EEIG2: variants seen among roughly 807,000 people sequenced by gnomAD.
The protein encoded by EEIG2 is family with sequence similarity 102 member B.
the EEIG2 span, among the ~76,000 whole-genome samples, chr1:108,571,084 G>A: frequency 1.5e-3 from 234 of 152,312 alleles, no homozygotes; most frequent in Middle Eastern, 6.8e-3. Context: ...TATTACGATA[G>A]CCAGAATGAT....
the EEIG2 span, among the ~76,000 whole-genome samples, chr1:108,603,432 A>T: frequency 4.7e-3 from 577 of 123,790 alleles, 23 homozygotes; most frequent in East Asian, 0.084. Flanking sequence ...GGAAGAGTGT[A>T]ATACACACAG....
the EEIG2 span, among the ~76,000 whole-genome samples, chr1:108,568,953 A>G: frequency 6.6e-6 from 1 of 152,228 alleles, no homozygotes; most frequent in Non-Finnish European, 1.5e-5. Flanking sequence ...GAATTAGAAT[A>G]AAGGGAGGAG....
chr1:108,572,884 G>T, the EEIG2 span, among the ~76,000 whole-genome samples: 1 of 152,076 alleles, frequency 6.6e-6, no homozygotes, highest in Non-Finnish European at 1.5e-5. Context: ...TTTCATATTG[G>T]CTTCTTTCAC....
chr1:108,600,457 C>G, the EEIG2 span: 1 of 1,261,530 alleles, frequency 7.9e-7, no homozygotes, highest in Non-Finnish European at 1.1e-6. Flanking sequence ...CAAATACTGG[C>G]TTTTAACACA....
At chr1:108,561,585 C>A in the EEIG2 span, among the ~76,000 whole-genome samples, 3 of 152,086 alleles carry the variant, frequency 2.0e-5, no homozygotes, top group Non-Finnish European at 4.4e-5. Context: ...AGAAACTTGT[C>A]TTTGGGGCAA....
At chr1:108,583,958 C>T in the EEIG2 span, among the ~76,000 whole-genome samples, 1 of 151,432 alleles carries the variant, frequency 6.6e-6, no homozygotes, top group East Asian at 1.9e-4. Flanking sequence ...TCTGCCATAG[C>T]GTAGAGAGAT....
At chr1:108,601,256 TTC>T in the EEIG2 span, among the ~76,000 whole-genome samples, 1 of 151,976 alleles carries the variant, frequency 6.6e-6, no homozygotes, top group Non-Finnish European at 1.5e-5. Context: ...TGGTTCAACT[TTC>T]TGTTTGTGTG....
chr1:108,623,048 A>C, the EEIG2 span, among the ~76,000 whole-genome samples: 1 of 152,218 alleles, frequency 6.6e-6, no homozygotes, highest in Non-Finnish European at 1.5e-5. Context: ...CAGCCTGGGC[A>C]ACATAATGAG....
the EEIG2 span, chr1:108,627,711 CTT>C: frequency 6.1e-6 from 1 of 163,160 alleles, no homozygotes; most frequent in African/African-American, 2.4e-5. Context: ...ATAGAGTACT[CTT>C]TAGCTTGCTG....
At chr1:108,637,615 GTGT>G in the EEIG2 span, 1 of 152,084 alleles carries the variant, frequency 6.6e-6, no homozygotes. Context: ...AAATCACCCA[GTGT>G]TGAAGAATTT....
chr1:108,599,584 T>C, the EEIG2 span, among the ~76,000 whole-genome samples: 3 of 152,162 alleles, frequency 2.0e-5, no homozygotes, highest in African/African-American at 7.2e-5. Context: ...AAAATACAGA[T>C]TCTCCTTTGT....
At chr1:108,610,924 C>G in the EEIG2 span, among the ~76,000 whole-genome samples, 2 of 151,898 alleles carry the variant, frequency 1.3e-5, no homozygotes, top group African/African-American at 4.8e-5. Context: ...GCACTCCAGC[C>G]TGGGTGACAG....
chr1:108,600,812 C>A, the EEIG2 span: 1 of 861,764 alleles, frequency 1.2e-6, no homozygotes, highest in Non-Finnish European at 1.7e-6. Flanking sequence ...TCACTTCATG[C>A]TCGCTGCAGT....
chr1:108,637,836 C>G, the EEIG2 span: 1 of 152,530 alleles, frequency 6.6e-6, no homozygotes, highest in African/African-American at 2.4e-5. Context: ...TGCTGAGACC[C>G]GACAGATCAT....
the EEIG2 span, among the ~76,000 whole-genome samples, chr1:108,592,655 A>T: frequency 6.6e-6 from 1 of 152,108 alleles, no homozygotes; most frequent in African/African-American, 2.4e-5. Flanking sequence ...AAATATGTAC[A>T]ATAGGTTCCA....
the EEIG2 span, among the ~76,000 whole-genome samples, chr1:108,573,505 C>T: frequency 6.6e-6 from 1 of 152,148 alleles, no homozygotes; most frequent in Non-Finnish European, 1.5e-5. Context: ...TTGTTAGGGC[C>T]TTTAGTGATG....
At chr1:108,630,403 C>T in the EEIG2 span, among the ~76,000 whole-genome samples, 1 of 152,048 alleles carries the variant, frequency 6.6e-6, no homozygotes, top group African/African-American at 2.4e-5. Flanking sequence ...GGAAGGGGAA[C>T]ATCACACACC....
At chr1:108,599,004 A>G in the EEIG2 span, among the ~76,000 whole-genome samples, 1 of 152,008 alleles carries the variant, frequency 6.6e-6, no homozygotes, top group African/African-American at 2.4e-5. Flanking sequence ...ATCTTTACCA[A>G]AAATACAAAA....
At chr1:108,629,794 T>C in the EEIG2 span, 1 of 699,720 alleles carries the variant, frequency 1.4e-6, no homozygotes, top group Non-Finnish European at 2.6e-6. Context: ...ATGCGAAGAG[T>C]TACAGCTCTT....
Sources: allele counts gnomAD v4.1 joint callset (sites outside exome capture counted in the v4.1 genomes callset), GRCh38; gene constraint gnomAD v4.1.1; transcripts MANE v1.5; gene names NCBI Gene and HGNC (gene_info 2026-07-23, HGNC 2026-07-21).